Variants in FAM161A observed in about 807,000 individuals in gnomAD.
FAM161A encodes FAM161 centrosomal protein A, also known as protein FAM161A.
FAM161A carries 57 observed loss-of-function variants against 70.9 expected under a neutral mutation model. The ratio of observed to expected loss-of-function variants is 0.80; its 90% confidence interval spans 0.65 to 1.00. The LOEUF (loss-of-function observed/expected upper bound fraction) is 1.00, where lower values mean the gene tolerates loss of function less well. Among genes scored for constraint, FAM161A ranks in the 50% least tolerant of loss-of-function variants. The pLI, the probability that FAM161A is intolerant of heterozygous loss-of-function variation, is 0.00. For missense variants in FAM161A, 880 were observed against 836.0 expected, an observed-to-expected ratio of 1.05 and a Z score of -0.65; for synonymous variants, 299 against 295.7, an observed-to-expected ratio of 1.01 and a Z score of -0.12.
chr2:61,841,575 G>A (rs1673021332), intron 2 of FAM161A, among the ~76,000 whole-genome samples: 2 of 152,118 alleles, frequency 1.3e-5, no homozygotes, highest in Admixed American at 1.3e-4. Flanking sequence ...TAGTCTCTAA[G>A]CTCCTTGAGG....
chr2:61,823,875 G>T (rs1672264911), downstream of FAM161A, among the ~76,000 whole-genome samples: 1 of 152,024 alleles, frequency 6.6e-6, no homozygotes, highest in African/African-American at 2.4e-5. Flanking sequence ...TAAGTAAAAA[G>T]AATTCTGGAG....
chr2:61,817,702 C>T, the FAM161A span, among the ~76,000 whole-genome samples: 2 of 152,044 alleles, frequency 1.3e-5, no homozygotes, highest in African/African-American at 2.4e-5. Flanking sequence ...TGCGGTGGCT[C>T]ATGCCTGTAA....
At chr2:61,803,142 G>C in the FAM161A span, 1 of 464,800 alleles carries the variant, frequency 2.2e-6, no homozygotes, top group African/African-American at 2.0e-5. Flanking sequence ...AGAGGAAACA[G>C]ATGCTCATTG....
At chr2:61,824,785 G>A, downstream of FAM161A, 1 of 318,778 alleles carries the variant, frequency 3.1e-6, no homozygotes, top group Admixed American at 4.5e-5. Context: ...TGAGCTAGGA[G>A]GGAAATGTTT....
At chr2:61,821,380 A>G (rs1178973591), downstream of FAM161A, among the ~76,000 whole-genome samples, 2 of 151,858 alleles carry the variant, frequency 1.3e-5, no homozygotes, top group African/African-American at 2.4e-5. Context: ...TTATATACCA[A>G]TTTTTTTCCT....
At chr2:61,815,893 C>T in the FAM161A span, among the ~76,000 whole-genome samples, 2 of 152,124 alleles carry the variant, frequency 1.3e-5, no homozygotes, top group African/African-American at 2.4e-5. Context: ...TGTCTACCTC[C>T]TTTTACCCAA....
chr2:61,805,037 G>A, the FAM161A span, among the ~76,000 whole-genome samples: 5 of 151,852 alleles, frequency 3.3e-5, no homozygotes, highest in African/African-American at 7.3e-5. Context: ...GGGCCTGGAG[G>A]AAGTCACGCC....
chr2:61,841,517 T>C lies in FAM161A; in HGVS notation c.422+605A>G, dbSNP rs113732277. ...TGGCATGACCAACTGCTTCTTCCTC[T>C]GTAACACTCTGTTACATCATGCTGT... is the stretch of plus-strand genomic sequence containing the variant. On this transcript the variant is annotated intron_variant, in intron 2 of 6. Coordinates refer to ENST00000404929, the MANE Select transcript of FAM161A (RefSeq NM_001201543.2). Among the ~76,000 whole-genome samples the C allele has an allele frequency of 6.3e-3, 959 of 152,320 alleles. 17 individuals carry two copies. The highest frequency in any genetic ancestry group is 0.022 in the African/African-American group (927 of 41,576).
chr2:61,829,643 A>G (rs1426156430), intron 5 of FAM161A, among the ~76,000 whole-genome samples: 1 of 152,196 alleles, frequency 6.6e-6, no homozygotes. Flanking sequence ...ATGCATTACC[A>G]ACAGTATATT....
the FAM161A span, chr2:61,803,047 T>A: frequency 8.9e-6 from 2 of 224,420 alleles, no homozygotes; most frequent in Non-Finnish European, 1.7e-5. Context: ...CCTGGCTGTC[T>A]GAGGGTAGGC....
At chr2:61,803,204 A>G in the FAM161A span, 4 of 564,064 alleles carry the variant, frequency 7.1e-6, no homozygotes, top group African/African-American at 7.6e-5. Context: ...ATTCAGAAAA[A>G]ACTAGCCAAA....
chr2:61,810,789 AGC>A, the FAM161A span, among the ~76,000 whole-genome samples: 3 of 152,038 alleles, frequency 2.0e-5, no homozygotes, highest in Admixed American at 2.0e-4. Context: ...TCTGCTGTGC[AGC>A]CAAGCTGAAC....
At chr2:61,817,920 T>C in the FAM161A span, among the ~76,000 whole-genome samples, 1 of 151,598 alleles carries the variant, frequency 6.6e-6, no homozygotes, top group African/African-American at 2.4e-5. Flanking sequence ...GATTCTACAC[T>C]GCACTCCAGC....
chr2:61,811,787 T>A, the FAM161A span, among the ~76,000 whole-genome samples: 2 of 152,216 alleles, frequency 1.3e-5, no homozygotes, highest in Admixed American at 6.5e-5. Context: ...ATTACAGGCG[T>A]GAGCCACTGT....
rs911072071 is a variant in FAM161A, at chr2:61,853,965, C to T, written c.77G>A (p.Arg26Gln). The change falls in exon 1 of 7, where the codon CGG (arginine) becomes CAG (glutamine). Residue 26 changes from arginine (R) to glutamine (Q), a missense_variant. Transcript: ENST00000404929. Reference sequence around the variant, plus strand: ...GTCTTCGCGTTCGTACTGGGCGACCCGCGCTCCAGTGATGGGATTTACCGG... The same window carrying T: ...GTCTTCGCGTTCGTACTGGGCGACCTGCGCTCCAGTGATGGGATTTACCGG... ...QTPVNPITGA[R>Q]VAQYEREDPL... 2 of 1,613,794 alleles carry T rather than the reference C, an allele frequency of 1.2e-6. No homozygotes were observed. The highest frequency in any genetic ancestry group is 2.7e-5 in the African/African-American group (2 of 74,920).
At chr2:61,805,222 C>G in the FAM161A span, among the ~76,000 whole-genome samples, 3 of 152,188 alleles carry the variant, frequency 2.0e-5, no homozygotes, top group African/African-American at 7.2e-5. Flanking sequence ...CATATAGCCT[C>G]CATGTATTGA....
intron 4 of FAM161A, among the ~76,000 whole-genome samples, chr2:61,838,230 C>A (rs1255537643): frequency 6.6e-6 from 1 of 152,070 alleles, no homozygotes; most frequent in Non-Finnish European, 1.5e-5. Context: ...TTACTGCAAT[C>A]AAAAATAATA....
At chr2:61,851,428 C>T (rs901617160) in intron 1 of FAM161A, among the ~76,000 whole-genome samples, 3 of 152,062 alleles carry the variant, frequency 2.0e-5, no homozygotes, top group Non-Finnish European at 2.9e-5. Flanking sequence ...CCTCCGCCTC[C>T]CGGGTTCAGG....
the FAM161A span, among the ~76,000 whole-genome samples, chr2:61,813,547 CAAAAA>C: frequency 3.6e-5 from 2 of 55,974 alleles, no homozygotes; most frequent in South Asian, 6.5e-4. Flanking sequence ...GACTCCACCT[CAAAAA>C]AAAAAAAAAA....
Sources: allele counts gnomAD v4.1 joint callset (sites outside exome capture counted in the v4.1 genomes callset), GRCh38; gene constraint gnomAD v4.1.1; transcripts MANE v1.5; gene names NCBI Gene and HGNC (gene_info 2026-07-23, HGNC 2026-07-21).